PPP1R13B: variants seen among roughly 807,000 people sequenced by gnomAD.
The protein encoded by PPP1R13B is protein phosphatase 1 regulatory subunit 13B.
A neutral mutation model predicts 119.8 loss-of-function variants in PPP1R13B; 44 were observed. That is an observed-to-expected ratio of 0.37 (90% confidence interval 0.29 to 0.47). The LOEUF (loss-of-function observed/expected upper bound fraction) is 0.47, where lower values mean the gene tolerates loss of function less well. Among genes scored for constraint, PPP1R13B ranks in the 20% least tolerant of loss-of-function variants. The pLI, the probability that PPP1R13B is intolerant of heterozygous loss-of-function variation, is 0.99. For missense variants in PPP1R13B, 1,227 were observed against 1,413.5 expected, an observed-to-expected ratio of 0.87 and a Z score of 2.12; for synonymous variants, 542 against 561.5, an observed-to-expected ratio of 0.97 and a Z score of 0.49.
intron 2 of PPP1R13B, among the ~76,000 whole-genome samples, chr14:103,787,440 G>C (rs1319006500): frequency 6.6e-6 from 1 of 151,504 alleles, no homozygotes; most frequent in Admixed American, 6.6e-5. Flanking sequence ...CTGGGTGACA[G>C]AGTGAGACTC....
At chr14:103,770,498 C>T (rs1006122027) in intron 4 of PPP1R13B, among the ~76,000 whole-genome samples, 29 of 151,478 alleles carry the variant, frequency 1.9e-4, no homozygotes, top group Admixed American at 2.0e-4. Flanking sequence ...CTGAGAGACA[C>T]AGCAAGACAC....
intron 8 of PPP1R13B, among the ~76,000 whole-genome samples, chr14:103,748,103 AC>A (rs1455446262): frequency 7.5e-6 from 1 of 133,582 alleles, no homozygotes; most frequent in African/African-American, 3.4e-5. Context: ...ACACACACAC[AC>A]ACACACACAC....
rs1330118057 is a variant in PPP1R13B at position 103,742,560 on chromosome 14, T to A, written c.1320+94A>T. 1 of 1,467,652 alleles carries A rather than the reference T, an allele frequency of 6.8e-7. No individual in the cohort carries two copies. The highest frequency in any genetic ancestry group is 9.2e-7 in the Non-Finnish European group (1 of 1,091,814). The allele number at this position is 1,467,652 out of a possible 1,614,324, so 90.9% of individuals were successfully genotyped here. A position where few individuals can be genotyped will look rare whatever the true frequency, so the allele number is the denominator to read the frequency against. On this transcript the variant is annotated intron_variant, in intron 10 of 16. Coordinates refer to ENST00000202556, the MANE Select transcript of PPP1R13B (RefSeq NM_015316.3). This position sits in a 1 kb window ranked among gnomAD's most constrained non-coding sequence, Gnocchi z 4.9. ...TGGACAATAACAGGATTAACTTGCC[T>A]CCTGACAAGTCATACCCTTTAGCTT... is the stretch of plus-strand genomic sequence containing the variant.
intron 9 of PPP1R13B, among the ~76,000 whole-genome samples, chr14:103,744,618 C>T (rs758153279): frequency 8.5e-5 from 13 of 152,230 alleles, no homozygotes; most frequent in Non-Finnish European, 1.6e-4. Context: ...ATACGGTTTA[C>T]AAATGGGCTT....
At chr14:103,791,583 G>T (rs1269080411) in intron 2 of PPP1R13B, among the ~76,000 whole-genome samples, 2 of 152,132 alleles carry the variant, frequency 1.3e-5, no homozygotes, top group African/African-American at 4.8e-5. Context: ...AACTTAGCCA[G>T]GCGTGGTGGC....
intron 1 of PPP1R13B, among the ~76,000 whole-genome samples, chr14:103,811,094 CA>C (rs36017203): frequency 0.024 from 1,605 of 65,764 alleles, 4 homozygotes; most frequent in African/African-American, 0.041. Context: ...GACTCCTCCT[CA>C]AAAAAAAAAA....
chr14:103,735,268 G>A (rs1227986256), intron 16 of PPP1R13B, 73 bp from the exon 17 acceptor site: 5 of 1,484,628 alleles, frequency 3.4e-6, no homozygotes, highest in Non-Finnish European at 3.8e-6. Context: ...CCCGACCCCT[G>A]CTCCTCACCT....
chr14:103,821,076 T>C (rs964162471), intron 1 of PPP1R13B, among the ~76,000 whole-genome samples: 1 of 152,142 alleles, frequency 6.6e-6, no homozygotes, highest in African/African-American at 2.4e-5. Context: ...TATCCAACAC[T>C]CTTTCCCCAT....
At chr14:103,751,952 T>G (rs1301391764) in intron 7 of PPP1R13B, among the ~76,000 whole-genome samples, 1 of 152,230 alleles carries the variant, frequency 6.6e-6, no homozygotes, top group Non-Finnish European at 1.5e-5. Flanking sequence ...AATTCTTTAC[T>G]GGATTATTAT....
intron 4 of PPP1R13B, among the ~76,000 whole-genome samples, chr14:103,770,190 G>A (rs893724096): frequency 5.3e-5 from 8 of 151,700 alleles, no homozygotes; most frequent in Admixed American, 2.6e-4. Flanking sequence ...ACCACGCCCG[G>A]CCCAATATGA....
chr14:103,813,693 G>C (rs143947463), intron 1 of PPP1R13B, among the ~76,000 whole-genome samples: 25 of 152,244 alleles, frequency 1.6e-4, no homozygotes, highest in African/African-American at 6.0e-4. Flanking sequence ...GTTCTTTATA[G>C]CAGGGTAAGA....
rs145863503 is a variant in PPP1R13B at position 103,842,262 on chromosome 14, C to T, written c.9+5037G>A. Among the ~76,000 whole-genome samples, 1,038 of 151,098 alleles carry T rather than the reference C, an allele frequency of 6.9e-3. 17 individuals carry two copies. The highest frequency in any genetic ancestry group is 0.024 in the African/African-American group (982 of 41,094). On this transcript the variant is annotated intron_variant, in intron 1 of 16. Coordinates refer to ENST00000202556, the MANE Select transcript of PPP1R13B (RefSeq NM_015316.3). ...AGCATCTAGTAGAAGTTAGGTGCCC[C>T]ATTGCTAACATCACCAAACACCACC...
chr14:103,796,713 T>C (rs1475053384), intron 2 of PPP1R13B, among the ~76,000 whole-genome samples: 3 of 152,114 alleles, frequency 2.0e-5, no homozygotes, highest in Non-Finnish European at 4.4e-5. Flanking sequence ...TCCAAGCACT[T>C]TGGGAGGCCA....
intron 1 of PPP1R13B, among the ~76,000 whole-genome samples, chr14:103,836,659 A>G (rs2086786498): frequency 6.6e-6 from 1 of 151,654 alleles, no homozygotes; most frequent in South Asian, 2.1e-4. Flanking sequence ...AATCTCAGCT[A>G]CTCGGGAGGC....
chr14:103,739,861 G>T lies in PPP1R13B; in HGVS notation c.2555C>A (p.Pro852His), dbSNP rs372217281. ...SPGEEQVPPAPLPPASHPPAT... is the reference protein window; with the variant it reads ...SPGEEQVPPAHLPPASHPPAT... ...AGGAGGGTGGCTGGCAGGGGGAAGA[G>T]GTGCTGGAGGGACCTGCTCTTCCCC... Residue 852 changes from proline (P) to histidine (H), a missense_variant, in exon 12 of 17, where the codon CCT (proline) becomes CAT (histidine). By Grantham distance (77) the Pro-to-His change is moderately conservative. Coordinates refer to ENST00000202556, the MANE Select transcript of PPP1R13B (RefSeq NM_015316.3). 1 of 1,612,368 alleles carries T rather than the reference G, an allele frequency of 6.2e-7. No individual in the cohort carries two copies. The highest frequency in any genetic ancestry group is 1.3e-5 in the African/African-American group (1 of 75,026).
chr14:103,838,862 C>T (rs140544762), intron 1 of PPP1R13B, among the ~76,000 whole-genome samples: 1,985 of 152,318 alleles, frequency 0.013, 45 homozygotes, highest in African/African-American at 0.045. Flanking sequence ...CCACAAATGG[C>T]AATGCCAGCA....
At chr14:103,810,491 T>G (rs867566527) in intron 1 of PPP1R13B, among the ~76,000 whole-genome samples, 1 of 149,282 alleles carries the variant, frequency 6.7e-6, no homozygotes, top group African/African-American at 2.5e-5. Flanking sequence ...AAAATTACTT[T>G]GGCTGGGCGT....
intron 4 of PPP1R13B, among the ~76,000 whole-genome samples, chr14:103,761,287 A>G (rs1217599924): frequency 6.6e-6 from 1 of 151,214 alleles, no homozygotes; most frequent in Non-Finnish European, 1.5e-5. Flanking sequence ...AAAAAAAAAA[A>G]AAAAAAAAAA....
chr14:103,798,177 A>AG (rs1282137049), intron 1 of PPP1R13B, among the ~76,000 whole-genome samples: 1 of 122,626 alleles, frequency 8.2e-6, no homozygotes, highest in Non-Finnish European at 1.6e-5. Context: ...TTTGAGATGG[A>AG]GTCTTGCTCT....
Sources: gnomAD v4.1 joint callset for allele counts (sites outside exome capture counted in the v4.1 genomes callset) on GRCh38, gnomAD v4.1.1 for gene constraint, Gnocchi (gnomAD v3.1) non-coding constraint, MANE v1.5 for transcripts, NCBI Gene and HGNC (gene_info 2026-07-23, HGNC 2026-07-21) for gene names.